The following CD200R1L variants were observed in gnomAD, a reference collection of about 807,000 sequenced individuals.
CD200R1L encodes the protein CD200 receptor 1 like.
Under a neutral mutation model 24.8 loss-of-function variants are expected in CD200R1L, and 14 were observed. The ratio of observed to expected loss-of-function variants is 0.56; its 90% CI spans 0.37 to 0.88. CD200R1L has a LOEUF of 0.88. Among genes scored for constraint, CD200R1L ranks in the 40% least tolerant of loss-of-function variants. The pLI, the probability that CD200R1L is intolerant of heterozygous loss-of-function variation, is 0.00. For missense variants in CD200R1L, 299 were observed against 297.8 expected, an observed-to-expected ratio of 1.00 and a Z score of -0.03; for synonymous variants, 111 against 109.2, an observed-to-expected ratio of 1.02 and a Z score of -0.11.
rs770809822 is a variant in CD200R1L, at chr3:112,818,833, C to T, written c.740+939G>A. The T allele has an allele frequency of 8.4e-5, 13 of 154,502 alleles. 1 individual carries two copies. Among genetic ancestry groups the T allele is most frequent in the East Asian group, 5.8e-4 (3 of 5,188 alleles). 9.6% of individuals were successfully genotyped at this position (154,502 alleles called of 1,614,324 possible). A position where few individuals can be genotyped will look rare whatever the true frequency, so the allele number is the denominator to read the frequency against. ...TCCTAGGCATTTATGATGGCAGGCA[C>T]GAAGCTTTTGCATGTGTACTTACAC... On this transcript the variant is annotated intron_variant, in intron 7 of 7. Coordinates refer to ENST00000488794, the MANE Select transcript of CD200R1L (RefSeq NM_001199215.3).
At position 112,815,989 on chromosome 3, in the gene CD200R1L, A is replaced by C. The variant is rs768543688; in HGVS notation, c.741-14T>G. The C allele has an allele frequency of 2.6e-6, 2 of 780,286 alleles. No homozygotes were observed. Among genetic ancestry groups the C allele is most frequent in the Non-Finnish European group, 4.8e-6 (2 of 417,710 alleles). 48.3% of individuals were successfully genotyped at this position (780,286 alleles called of 1,614,324 possible). On this transcript the variant is annotated splice_polypyrimidine_tract_variant and intron_variant, in intron 7 of 7. Coordinates refer to ENST00000488794, the MANE Select transcript of CD200R1L (RefSeq NM_001199215.3). ...TAAAGAACTTTTCTGAAAGTATTAC[A>C]CAAGATTTGTATTTATATCTCATTT... is the stretch of plus-strand genomic sequence containing the variant.
intron 3 of CD200R1L, among the ~76,000 whole-genome samples, chr3:112,834,246 T>C (rs1938878725): frequency 6.7e-6 from 1 of 150,020 alleles, no homozygotes; most frequent in Admixed American, 6.6e-5. Flanking sequence ...TTTTTTTTTT[T>C]TTTTTTTTTG....
chr3:112,831,012 G>C (rs142491972), intron 3 of CD200R1L, among the ~76,000 whole-genome samples: 3 of 152,120 alleles, frequency 2.0e-5, no homozygotes, highest in African/African-American at 7.2e-5. Flanking sequence ...AGGAGGAATA[G>C]GGGGGAGGCA....
In CD200R1L at chr3:112,829,184, G is replaced by C. The variant is rs374412006; in HGVS notation, c.49+135C>G. ...GAGACTGGGACATTCAGGGTCCTTC[G>C]TACCACAGCACTCAGATCAACATGT... On this transcript the variant is annotated intron_variant, in intron 4 of 7. Coordinates refer to ENST00000488794, the MANE Select transcript of CD200R1L (RefSeq NM_001199215.3). 7.8e-6 allele frequency: 5 copies of C among 640,474 alleles called. No homozygotes were observed. In the Admixed American group the frequency reaches 1.3e-4, roughly 17 times the overall value. The allele number at this position is 640,474 out of a possible 1,614,324, so 39.7% of individuals were successfully genotyped here.
At chr3:112,818,823 A>T (rs533089361) in intron 7 of CD200R1L, 1 of 153,970 alleles carries the variant, frequency 6.5e-6, no homozygotes, top group African/African-American at 2.4e-5. Flanking sequence ...GGCATTTATG[A>T]TGGCAGGCAC....
chr3:112,842,644 TA>T (rs1225734617), intron 2 of CD200R1L, among the ~76,000 whole-genome samples: 1 of 152,176 alleles, frequency 6.6e-6, no homozygotes, highest in Non-Finnish European at 1.5e-5. Flanking sequence ...GAGATATCAC[TA>T]AATTCTTTTC....
intron 5 of CD200R1L, 26 bp downstream of exon 5, chr3:112,827,341 A>G: frequency 6.2e-7 from 1 of 1,600,586 alleles, no homozygotes; most frequent in East Asian, 2.2e-5. Context: ...GTGATGTGAA[A>G]TACCTCAGTA....
rs369343915 is a variant in CD200R1L, at chr3:112,829,333, G to A, written c.35C>T (p.Thr12Ile). 10 of 1,613,674 alleles carry A rather than the reference G, an allele frequency of 6.2e-6. No homozygotes were observed. The African/African-American group carries it at 1.3e-4, about 22-fold the overall frequency. ...GGKQMTQNYS[T>I]IFAEGNISQP... Reference sequence around the variant, plus strand: ...GAGCATATTACCTTCTGCAAAAATTGTTGAATAGTTCTGTGTCATCTGCTT... The same window carrying A: ...GAGCATATTACCTTCTGCAAAAATTATTGAATAGTTCTGTGTCATCTGCTT... Residue 12 changes from threonine (T) to isoleucine (I), a missense_variant, in exon 4 of 8, where the codon ACA becomes ATA. Thr to Ile is a moderately conservative substitution (Grantham distance 89). Coordinates refer to ENST00000488794, the MANE Select transcript of CD200R1L (RefSeq NM_001199215.3).
rs759746365 is a variant in CD200R1L at position 112,815,932 on chromosome 3, G to A, written c.*31C>T. The A allele has an allele frequency of 1.0e-5, 8 of 780,206 alleles. No homozygotes were observed. In the Middle Eastern group the frequency reaches 9.0e-4, roughly 88 times the overall value. The allele number at this position is 780,206 out of a possible 1,614,324, so 48.3% of individuals were successfully genotyped here. On this transcript the variant is annotated 3_prime_UTR_variant, in exon 8 of 8. Transcript: ENST00000488794. Reference sequence around the variant, plus strand: ...CAATGTTGCAGTCCAGAGACAAGGAGGAGAAGCAAAAGAAGACCCTTCCTT... The same window carrying A: ...CAATGTTGCAGTCCAGAGACAAGGAAGAGAAGCAAAAGAAGACCCTTCCTT...
intron 5 of CD200R1L, 51 bp from the exon 6 acceptor site, chr3:112,827,292 A>G (rs1221699449): frequency 6.3e-6 from 10 of 1,590,338 alleles, no homozygotes; most frequent in Non-Finnish European, 1.7e-6. Context: ...CATAAAGCAT[A>G]TGGAATTCAG....
chr3:112,834,497 T>C (rs1424722743), intron 3 of CD200R1L, among the ~76,000 whole-genome samples: 1 of 152,162 alleles, frequency 6.6e-6, no homozygotes, highest in East Asian at 1.9e-4. Flanking sequence ...TCCCCTAGTA[T>C]ACCAGTAGGC....
intron 2 of CD200R1L, among the ~76,000 whole-genome samples, chr3:112,842,379 A>G (rs1939103032): frequency 1.3e-5 from 2 of 152,184 alleles, no homozygotes; most frequent in African/African-American, 4.8e-5. Context: ...TCTTAATCCT[A>G]TTATCTTCAT....
chr3:112,822,345 G>A (rs1938554907), intron 6 of CD200R1L, among the ~76,000 whole-genome samples: 1 of 152,128 alleles, frequency 6.6e-6, no homozygotes, highest in African/African-American at 2.4e-5. Flanking sequence ...ACCAAGACAT[G>A]GTTAGAGGGT....
At chr3:112,837,231 C>T (rs1331660783) in intron 3 of CD200R1L, among the ~76,000 whole-genome samples, 1 of 152,062 alleles carries the variant, frequency 6.6e-6, no homozygotes, top group Non-Finnish European at 1.5e-5. Flanking sequence ...ATTTTCTCCC[C>T]ACATTTTGTG....
intron 6 of CD200R1L, among the ~76,000 whole-genome samples, chr3:112,822,938 A>T (rs1253383617): frequency 1.3e-5 from 2 of 152,218 alleles, no homozygotes; most frequent in Non-Finnish European, 2.9e-5. Context: ...GATCTTCATT[A>T]TTGATTAACT....
At chr3:112,836,036 C>T (rs991400191) in intron 3 of CD200R1L, among the ~76,000 whole-genome samples, 2 of 152,232 alleles carry the variant, frequency 1.3e-5, no homozygotes, top group African/African-American at 2.4e-5. Context: ...GAACCCAATG[C>T]GACCAGGGAC....
chr3:112,828,962 T>C (rs999509933), intron 4 of CD200R1L, among the ~76,000 whole-genome samples: 11 of 152,338 alleles, frequency 7.2e-5, no homozygotes, highest in African/African-American at 2.4e-4. Flanking sequence ...TCTCCTCTCC[T>C]GTTTTGGTGT....
At chr3:112,816,079 C>T (rs894476364) in intron 7 of CD200R1L, 104 bp from the exon 8 acceptor site, 1 of 686,086 alleles carries the variant, frequency 1.5e-6, no homozygotes, top group African/African-American at 1.8e-5. Context: ...TAGCTAAGTA[C>T]ATTCCAATAA....
In CD200R1L at chr3:112,832,749, C is replaced by G. The variant is rs535403711; in HGVS notation, c.-17-3365G>C. The stretch of plus-strand genomic sequence containing the variant: ...TATGTGGTTATTGATCTGGTAAATG[C>G]ATTATTTTCAACATTCATCAGGAAG... On this transcript the variant is annotated intron_variant, in intron 3 of 7. Coordinates refer to ENST00000488794, the MANE Select transcript of CD200R1L (RefSeq NM_001199215.3). Among the ~76,000 whole-genome samples the G allele has an allele frequency of 8.5e-5, 13 of 152,290 alleles. No individual in the cohort carries two copies. In the East Asian group the frequency reaches 2.5e-3, roughly 29 times the overall value.
Sources: allele counts gnomAD v4.1 joint callset (sites outside exome capture counted in the v4.1 genomes callset), GRCh38; gene constraint gnomAD v4.1.1; transcripts MANE v1.5; gene names NCBI Gene and HGNC (gene_info 2026-07-23, HGNC 2026-07-21).